The following KALRN variants were observed in gnomAD, a reference collection of about 807,000 sequenced individuals.
KALRN encodes kalirin.
KALRN carries 70 observed loss-of-function variants against 353.7 expected under a neutral mutation model. The observed-to-expected ratio is 0.20, with a 90% CI of 0.16 to 0.24. KALRN has a LOEUF of 0.24. Ranked by LOEUF, KALRN falls within the 10% of genes least tolerant of loss-of-function variation. The pLI is 1.00. For synonymous variants in KALRN, 1,391 were observed against 1,434.8 expected (o/e 0.97, Z 0.69); for missense variants, 2,791 against 3,756.7 (o/e 0.74, Z 6.72).
At chr3:124,426,589 G>C (rs897975635) in intron 15 of KALRN, among the ~76,000 whole-genome samples, 5 of 152,154 alleles carry the variant, frequency 3.3e-5, no homozygotes, top group African/African-American at 1.2e-4. Context: ...AAATGAAATT[G>C]ATTGATGCAA....
At chr3:124,309,134 G>T (rs2149288496) in intron 6 of KALRN, among the ~76,000 whole-genome samples, 1 of 152,120 alleles carries the variant, frequency 6.6e-6, no homozygotes, top group East Asian at 1.9e-4. Flanking sequence ...AGCAAGTGAA[G>T]AGATTGAATT....
At chr3:124,431,386 A>C (rs2150458002) in intron 16 of KALRN, among the ~76,000 whole-genome samples, 1 of 152,346 alleles carries the variant, frequency 6.6e-6, no homozygotes, top group African/African-American at 2.4e-5. Flanking sequence ...GCTTTTTAGA[A>C]GGCTATTTAA....
intron 5 of KALRN, among the ~76,000 whole-genome samples, chr3:124,295,925 G>A (rs1347286833): frequency 6.6e-6 from 1 of 152,162 alleles, no homozygotes; most frequent in Non-Finnish European, 1.5e-5. Flanking sequence ...GGGTAGCTGA[G>A]GCTGGAGGAC....
At chr3:124,619,334 A>G (rs547567498) in intron 34 of KALRN, among the ~76,000 whole-genome samples, 2 of 152,070 alleles carry the variant, frequency 1.3e-5, no homozygotes, top group South Asian at 2.1e-4. Flanking sequence ...AAACACTTAG[A>G]TGGTTGCTGT....
At chr3:124,197,060 T>G (rs1164049676) in intron 1 of KALRN, among the ~76,000 whole-genome samples, 1 of 152,230 alleles carries the variant, frequency 6.6e-6, no homozygotes, top group Non-Finnish European at 1.5e-5. Flanking sequence ...CTACCATCAT[T>G]TATTTCACTA....
intron 10 of KALRN, among the ~76,000 whole-genome samples, chr3:124,364,609 C>G (rs1252826635): frequency 6.6e-6 from 1 of 152,178 alleles, no homozygotes; most frequent in South Asian, 2.1e-4. Context: ...TCCTTAGTGG[C>G]TATGTGGTGT....
At chr3:124,435,382 C>T (rs1053937983) in intron 17 of KALRN, among the ~76,000 whole-genome samples, 2 of 152,132 alleles carry the variant, frequency 1.3e-5, no homozygotes, top group African/African-American at 4.8e-5. Flanking sequence ...ACAGTAGGGC[C>T]ATAACGATGC....
At chr3:124,636,955 C>T (rs2081413219) in intron 36 of KALRN, 4 of 449,102 alleles carry the variant, frequency 8.9e-6, no homozygotes, top group Non-Finnish European at 1.6e-5. Flanking sequence ...TTTCTCCTCT[C>T]CCCTCCTTCA....
chr3:124,076,414 G>A (rs1472848053), intron 1 of KALRN, among the ~76,000 whole-genome samples: 1 of 152,210 alleles, frequency 6.6e-6, no homozygotes, highest in Non-Finnish European at 1.5e-5. Context: ...TTCTCTGACT[G>A]TGTCCAAGGC....
chr3:124,656,958 T>C (rs991405851), intron 39 of KALRN, among the ~76,000 whole-genome samples: 1 of 152,208 alleles, frequency 6.6e-6, no homozygotes, highest in African/African-American at 2.4e-5. Context: ...GGTGCGATTA[T>C]GGACAAGTCA....
intron 6 of KALRN, among the ~76,000 whole-genome samples, chr3:124,319,453 A>G (rs1580902108): frequency 6.6e-6 from 1 of 151,384 alleles, no homozygotes; most frequent in Admixed American, 6.6e-5. Flanking sequence ...GAGGTTGAAC[A>G]TAAGTTCCCT....
At chr3:124,044,377 T>C (rs1296080780) in intron 1 of KALRN, among the ~76,000 whole-genome samples, 1 of 152,142 alleles carries the variant, frequency 6.6e-6, no homozygotes, top group East Asian at 1.9e-4. Flanking sequence ...AATCATAGAA[T>C]CTTAGAACAG....
chr3:124,145,006 G>A (rs1377428074), intron 1 of KALRN, among the ~76,000 whole-genome samples: 1 of 152,180 alleles, frequency 6.6e-6, no homozygotes, highest in Non-Finnish European at 1.5e-5. Context: ...TGAAAAAGGT[G>A]AGGGTGGACT....
chr3:124,194,156 GAGA>G (rs143406489), intron 1 of KALRN, among the ~76,000 whole-genome samples: 3,706 of 152,294 alleles, frequency 0.024, 138 homozygotes, highest in African/African-American at 0.084. Context: ...TAGAGAGCAA[GAGA>G]AGGTTTCCAA....
chr3:124,387,797 C>G (rs969401728), intron 11 of KALRN, among the ~76,000 whole-genome samples: 2 of 151,994 alleles, frequency 1.3e-5, no homozygotes, highest in Non-Finnish European at 2.9e-5. Flanking sequence ...TCTGATCATA[C>G]AGATTTTATT....
At chr3:124,690,007 AG>A (rs1252146771) in intron 51 of KALRN, among the ~76,000 whole-genome samples, 1 of 152,164 alleles carries the variant, frequency 6.6e-6, no homozygotes, top group African/African-American at 2.4e-5. Context: ...CTGACTGATT[AG>A]ATTCCTGAGC....
intron 33 of KALRN, among the ~76,000 whole-genome samples, chr3:124,524,550 C>A (rs1253525747): frequency 1.3e-5 from 2 of 152,142 alleles, no homozygotes; most frequent in Non-Finnish European, 2.9e-5. Context: ...GTGAAAATGA[C>A]TATCCTTTAA....
intron 1 of KALRN, among the ~76,000 whole-genome samples, chr3:124,130,500 G>T (rs963833070): frequency 6.6e-6 from 1 of 152,058 alleles, no homozygotes; most frequent in African/African-American, 2.4e-5. Context: ...ATCAAGTTTT[G>T]TTGAGACTAT....
intron 33 of KALRN, among the ~76,000 whole-genome samples, chr3:124,512,399 C>T (rs2066013114): frequency 6.6e-6 from 1 of 152,192 alleles, no homozygotes; most frequent in African/African-American, 2.4e-5. Context: ...CGCCTATAAT[C>T]CCAACACTTT....
Sources: allele counts gnomAD v4.1 joint callset (sites outside exome capture counted in the v4.1 genomes callset), GRCh38; gene constraint gnomAD v4.1.1; transcripts MANE v1.5; gene names NCBI Gene and HGNC (gene_info 2026-07-23, HGNC 2026-07-21).